Variants in CCDC68 observed in about 807,000 individuals in gnomAD.
CCDC68 encodes the protein coiled-coil domain-containing protein 68.
CCDC68 carries 45 observed loss-of-function variants against 47.1 expected under a neutral mutation model. The ratio of observed to expected loss-of-function variants is 0.96; its 90% CI spans 0.75 to 1.23. The LOEUF (loss-of-function observed/expected upper bound fraction) is 1.23. CCDC68 is among the 50% of genes most tolerant of loss of function. The pLI, the probability that CCDC68 is intolerant of heterozygous loss-of-function variation, is 0.00. For synonymous variants in CCDC68, 131 were observed against 129.5 expected, an observed-to-expected ratio of 1.01 and a Z score of -0.08; for missense variants, 353 against 373.6, an observed-to-expected ratio of 0.94 and a Z score of 0.45.
chr18:54,922,248 G>A (rs2044073295), intron 8 of CCDC68, among the ~76,000 whole-genome samples: 1 of 152,180 alleles, frequency 6.6e-6, no homozygotes, highest in South Asian at 2.1e-4. Context: ...CCCCCAGCGG[G>A]TAAGGTGCCA....
intron 1 of CCDC68, chr18:54,958,076 G>A (rs1260197279): frequency 1.3e-5 from 2 of 152,204 alleles, no homozygotes; most frequent in Admixed American, 6.5e-5. Flanking sequence ...TCTCTTTCTA[G>A]TTAGGACAAG....
At chr18:54,938,378 T>C (rs1226833683) in intron 4 of CCDC68, among the ~76,000 whole-genome samples, 4 of 152,246 alleles carry the variant, frequency 2.6e-5, no homozygotes, top group Non-Finnish European at 5.9e-5. Flanking sequence ...TTTTAGGAGA[T>C]AAATAATGTC....
At chr18:54,941,608 A>G (rs1041686253) in intron 3 of CCDC68, among the ~76,000 whole-genome samples, 1 of 152,162 alleles carries the variant, frequency 6.6e-6, no homozygotes, top group African/African-American at 2.4e-5. Flanking sequence ...AAGACACTCA[A>G]AGATGATGGA....
rs1322562293 is a variant in CCDC68, at chr18:54,917,956, C to A, written c.830G>T (p.Arg277Ile). ...AACCTTTTCTCTGAGATTTTCAATT[C>A]TTTTGTCTTGTTCTTTTAAATTATT... Reference protein sequence around the residue: ...LKNNLKEQDKRIENLREKVNI... With the variant: ...LKNNLKEQDKIIENLREKVNI... The change falls in exon 10 of 12, where the codon AGA becomes ATA. Residue 277 changes from arginine (R) to isoleucine (I), a missense_variant. Coordinates refer to ENST00000591504, the MANE Select transcript of CCDC68 (RefSeq NM_025214.3). 6.4e-7 allele frequency: 1 copy of A among 1,572,686 alleles called. No individual in the cohort carries two copies.
intron 5 of CCDC68, chr18:54,937,641 GTA>G (rs2044370627): frequency 5.5e-6 from 1 of 180,302 alleles, no homozygotes; most frequent in South Asian, 1.5e-4. Flanking sequence ...TGTACTAAGT[GTA>G]CAGTACAGTA....
Position 54,929,614 on chromosome 18 carries a change from G to A in CCDC68, c.601-732C>T, listed in dbSNP as rs60928756. On this transcript the variant is annotated intron_variant, in intron 7 of 11. Coordinates refer to ENST00000591504, the MANE Select transcript of CCDC68 (RefSeq NM_025214.3). ...TTGGCCTGATGGTTTAGGTTGCCAA[G>A]TTGGAAAGAATCAAGGGAGATTGAA... is the stretch of plus-strand genomic sequence containing the variant. Among the ~76,000 whole-genome samples, 296 of 152,320 alleles carry A rather than the reference G, an allele frequency of 1.9e-3. 8 individuals are homozygous for A. The East Asian group carries it at 0.04, about 20-fold the overall frequency.
intron 7 of CCDC68, among the ~76,000 whole-genome samples, chr18:54,932,571 A>C (rs561169145): frequency 6.6e-6 from 1 of 152,278 alleles, no homozygotes; most frequent in African/African-American, 2.4e-5. Context: ...CAGAGATTCC[A>C]GTAGGCTTGC....
intron 1 of CCDC68, chr18:54,954,676 G>A (rs2044682038): frequency 6.6e-6 from 1 of 152,090 alleles, no homozygotes; most frequent in African/African-American, 2.4e-5. Context: ...TGATGAAGGT[G>A]GATTCCTGTA....
At chr18:54,938,189 A>G in intron 4 of CCDC68, 92 bp from the exon 5 acceptor site, 1 of 1,220,586 alleles carries the variant, frequency 8.2e-7, no homozygotes, top group Non-Finnish European at 1.1e-6. Context: ...ACATATATCA[A>G]AGAAGCTTCA....
rs1913706004 is a variant in CCDC68, at chr18:54,901,912, T to C, written c.*2446A>G. On this transcript the variant is annotated 3_prime_UTR_variant, in exon 12 of 12. Transcript: ENST00000591504. ...GTGTTTTTTTTTTCATAAAAAAATA[T>C]TTCAAATGATAATTTTATGATAGTG... The C allele has an allele frequency of 6.6e-6, 1 of 152,088 alleles. No homozygotes were observed. The highest frequency in any genetic ancestry group is 2.1e-4 in the South Asian group (1 of 4,824). 9.4% of individuals were successfully genotyped at this position (152,088 alleles called of 1,614,324 possible).
chr18:54,923,669 G>T (rs1056353413), intron 8 of CCDC68, among the ~76,000 whole-genome samples: 2 of 151,238 alleles, frequency 1.3e-5, no homozygotes, highest in East Asian at 3.9e-4. Context: ...GCTGCCACTT[G>T]ATCTTCTTTT....
chr18:54,934,692 T>C, intron 7 of CCDC68, 128 bp downstream of exon 7: 3 of 681,210 alleles, frequency 4.4e-6, no homozygotes, highest in Non-Finnish European at 6.2e-6. Flanking sequence ...AGGCCAAGAA[T>C]TGTAAAGAAT....
chr18:54,936,195 T>C (rs1269025610), intron 6 of CCDC68, among the ~76,000 whole-genome samples: 1 of 143,710 alleles, frequency 7.0e-6, no homozygotes, highest in African/African-American at 2.5e-5. Flanking sequence ...TAAATATATA[T>C]AATTATTTAT....
intron 7 of CCDC68, among the ~76,000 whole-genome samples, chr18:54,930,460 A>C (rs764625742): frequency 2.6e-4 from 39 of 152,082 alleles, no homozygotes; most frequent in Non-Finnish European, 5.1e-4. Context: ...TTCAAATCTT[A>C]ATGTGTTCTG....
chr18:54,948,373 C>T (rs2044560301), intron 1 of CCDC68, among the ~76,000 whole-genome samples: 1 of 152,092 alleles, frequency 6.6e-6, no homozygotes, highest in South Asian at 2.1e-4. Context: ...AGCAAACCAC[C>T]AGAAGCAGGG....
chr18:54,916,686 A>G (rs1568136510), intron 10 of CCDC68, among the ~76,000 whole-genome samples: 1 of 152,140 alleles, frequency 6.6e-6, no homozygotes, highest in Admixed American at 6.5e-5. Context: ...CAGGGGCTTC[A>G]TTGCACTTCC....
Position 54,908,004 on chromosome 18 carries a change from A to G in CCDC68, c.874-142T>C, listed in dbSNP as rs1340215996. On this transcript the variant is annotated intron_variant, in intron 10 of 11. Coordinates refer to ENST00000591504, the MANE Select transcript of CCDC68 (RefSeq NM_025214.3). ...AGTTATGCTATAGAACACAGAAAAT[A>G]GCCAGTTGAAAGTCACTAAATATTA... The G allele has an allele frequency of 1.3e-5, 8 of 598,792 alleles. No individual in the cohort carries two copies. The East Asian group carries it at 1.9e-4, about 14-fold the overall frequency. 37.1% of individuals were successfully genotyped at this position (598,792 alleles called of 1,614,324 possible).
intron 10 of CCDC68, among the ~76,000 whole-genome samples, chr18:54,911,774 T>G (rs1245640493): frequency 6.6e-6 from 1 of 152,214 alleles, no homozygotes; most frequent in African/African-American, 2.4e-5. Context: ...AGGTAAAAGC[T>G]ACTTAGGTTT....
chr18:54,917,855 A>G, intron 10 of CCDC68, 58 bp downstream of exon 10: 4 of 911,208 alleles, frequency 4.4e-6, no homozygotes, highest in Non-Finnish European at 3.6e-6. Context: ...ACACACACAC[A>G]CACACACACA....
Sources: allele counts gnomAD v4.1 joint callset (sites outside exome capture counted in the v4.1 genomes callset), GRCh38; gene constraint gnomAD v4.1.1; transcripts MANE v1.5; gene names NCBI Gene and HGNC (gene_info 2026-07-23, HGNC 2026-07-21).